GAS7: variants seen among roughly 807,000 people sequenced by gnomAD.
The protein encoded by GAS7 is growth arrest-specific protein 7.
GAS7 carries 28 observed loss-of-function variants against 71.1 expected under a neutral mutation model. The ratio of observed to expected loss-of-function variants is 0.39; its 90% CI spans 0.29 to 0.54. The LOEUF (loss-of-function observed/expected upper bound fraction) is 0.54. GAS7 is among the 20% of genes least tolerant of loss of function. The pLI, the probability that GAS7 is intolerant of heterozygous loss-of-function variation, is 0.62. For synonymous variants in GAS7, 258 were observed against 245.8 expected, an observed-to-expected ratio of 1.05 and a Z score of -0.46; for missense variants, 436 against 627.8, an observed-to-expected ratio of 0.69 and a Z score of 3.27.
chr17:9,918,559 G>T (rs1276570182), intron 12 of GAS7, among the ~76,000 whole-genome samples: 1 of 152,190 alleles, frequency 6.6e-6, no homozygotes, highest in Admixed American at 6.5e-5. Context: ...CCCTGATGGG[G>T]TATAACAAGG....
At chr17:9,979,665 C>T (rs1389344579) in intron 3 of GAS7, among the ~76,000 whole-genome samples, 3 of 152,120 alleles carry the variant, frequency 2.0e-5, no homozygotes, top group Non-Finnish European at 4.4e-5. Flanking sequence ...GCCTCACCAA[C>T]GGGGCAGGCT....
intron 1 of GAS7, among the ~76,000 whole-genome samples, chr17:10,061,587 G>C (rs2073220776): frequency 2.0e-5 from 3 of 152,250 alleles, no homozygotes; most frequent in Admixed American, 2.0e-4. Flanking sequence ...TTATGGCACA[G>C]TTGAAGATAG....
chr17:9,931,085 C>T (rs1210735267), intron 9 of GAS7, among the ~76,000 whole-genome samples: 3 of 152,200 alleles, frequency 2.0e-5, no homozygotes, highest in Non-Finnish European at 4.4e-5. Context: ...GTTTTCAATG[C>T]CATTGGTCTG....
rs118087419 is a variant in GAS7, at chr17:10,103,126, C to T, written c.184-83229G>A. Among the ~76,000 whole-genome samples, 996 of 152,106 alleles carry T rather than the reference C, an allele frequency of 6.5e-3. 11 individuals carry two copies. The highest frequency in any genetic ancestry group is 0.01 in the Non-Finnish European group (701 of 67,998). ...CAGCATTTTGGGAGGCCGAGGTGGG[C>T]AGATTGCTAAGAGCCCAGGAGTTTG... On this transcript the variant is annotated intron_variant, in intron 1 of 13. Transcript: ENST00000432992. This position sits in a 1 kb window ranked among gnomAD's most constrained non-coding sequence, Gnocchi z 5.5.
At chr17:10,011,542 A>T (rs142727594) in intron 2 of GAS7, among the ~76,000 whole-genome samples, 1 of 152,334 alleles carries the variant, frequency 6.6e-6, no homozygotes, top group East Asian at 1.9e-4. Flanking sequence ...AACACCAGCC[A>T]GCATCACTTG....
In GAS7 at chr17:10,198,606, C is replaced by T; in HGVS notation, c.-216G>A. 2.9e-6 allele frequency: 1 copy of T among 339,376 alleles called. No homozygotes were observed. Among genetic ancestry groups the T allele is most frequent in the Non-Finnish European group, 5.3e-6 (1 of 189,100 alleles). 21.0% of individuals were successfully genotyped at this position (339,376 alleles called of 1,614,324 possible). On this transcript the variant is annotated 5_prime_UTR_variant, in exon 1 of 14. Transcript: ENST00000432992. Reference sequence around the variant, plus strand: ...GTTGGCTTCGCAGAGCGAGCGGCGACGCCCCCGGGCCGGGCAGCTCGCGGA... The same window carrying T: ...GTTGGCTTCGCAGAGCGAGCGGCGATGCCCCCGGGCCGGGCAGCTCGCGGA...
intron 1 of GAS7, among the ~76,000 whole-genome samples, chr17:10,051,746 T>C (rs1226871664): frequency 6.6e-6 from 1 of 152,130 alleles, no homozygotes; most frequent in Non-Finnish European, 1.5e-5. Flanking sequence ...GTGCCTTCAT[T>C]TGAACATGGG....
intron 2 of GAS7, among the ~76,000 whole-genome samples, chr17:9,989,679 T>C (rs538131300): frequency 9.9e-4 from 151 of 152,294 alleles, no homozygotes; most frequent in Non-Finnish European, 1.9e-3. Flanking sequence ...GAAAGTGTTA[T>C]GAGAACGAAG....
rs921019078 is a variant in GAS7 at position 9,919,190 on chromosome 17, C to T, written c.1218+436G>A. On this transcript the variant is annotated intron_variant, in intron 12 of 13. Coordinates refer to ENST00000432992, the MANE Select transcript of GAS7 (RefSeq NM_201433.2). The surrounding 1 kb of genome is among the most constrained non-coding windows in gnomAD (Gnocchi z 5.0). ...ACCCTTGGTGAGAGGCCTCCCCCAC[C>T]CCACTGCCTAGCTCCATCCTCACCC... Among the ~76,000 whole-genome samples, 15 of 152,176 alleles carry T rather than the reference C, an allele frequency of 9.9e-5. No homozygotes were observed. The highest frequency in any genetic ancestry group is 3.4e-4 in the African/African-American group (14 of 41,448).
chr17:10,076,126 G>C (rs986388414), intron 1 of GAS7, among the ~76,000 whole-genome samples: 7 of 131,306 alleles, frequency 5.3e-5, no homozygotes, highest in Non-Finnish European at 9.6e-5. Context: ...AGGGGAAAGG[G>C]AAAGGGAAAA....
intron 1 of GAS7, among the ~76,000 whole-genome samples, chr17:10,175,057 G>A (rs930526816): frequency 1.4e-4 from 22 of 152,052 alleles, no homozygotes; most frequent in Admixed American, 1.3e-3. Context: ...TGTTGCCCAG[G>A]CTGGTCTCGA....
intron 2 of GAS7, among the ~76,000 whole-genome samples, chr17:9,989,869 T>C (rs1323705798): frequency 6.6e-6 from 1 of 152,198 alleles, no homozygotes; most frequent in East Asian, 1.9e-4. Context: ...GAGAGTGGCT[T>C]AGCTGGGCAA....
chr17:9,975,676 A>G (rs2070171413), intron 3 of GAS7, among the ~76,000 whole-genome samples: 1 of 152,214 alleles, frequency 6.6e-6, no homozygotes, highest in Non-Finnish European at 1.5e-5. Flanking sequence ...CAGTGATAGT[A>G]AAGGGTCAGT....
chr17:9,973,624 T>C (rs1567842253), intron 3 of GAS7, among the ~76,000 whole-genome samples: 2 of 152,186 alleles, frequency 1.3e-5, no homozygotes, highest in Non-Finnish European at 2.9e-5. Flanking sequence ...AAACCTTCCA[T>C]GAGATTCAAA....
intron 1 of GAS7, among the ~76,000 whole-genome samples, chr17:10,121,140 C>T (rs921952333): frequency 2.6e-5 from 4 of 152,152 alleles, no homozygotes; most frequent in East Asian, 1.9e-4. Flanking sequence ...CAGCACTTTG[C>T]GAGGCCGAGG....
At chr17:9,937,182 C>T (rs1597484542) in intron 8 of GAS7, among the ~76,000 whole-genome samples, 2 of 152,148 alleles carry the variant, frequency 1.3e-5, no homozygotes, top group African/African-American at 4.8e-5. Context: ...TGTACACCTA[C>T]GAGGCAGTGG....
rs2074557876 is a variant in GAS7 at position 10,198,489 on chromosome 17, C to A, written c.-99G>T. 1 of 854,026 alleles carries A rather than the reference C, an allele frequency of 1.2e-6. No individual in the cohort carries two copies. The highest frequency in any genetic ancestry group is 3.8e-4 in the Middle Eastern group (1 of 2,612). 52.9% of individuals were successfully genotyped at this position (854,026 alleles called of 1,614,324 possible). The stretch of plus-strand genomic sequence containing the variant: ...GGTCCCAGGCGCCCGGCGCTCCGGG[C>A]TCCCGCGCTCTGGGCGCGCGCCGTC... On this transcript the variant is annotated 5_prime_UTR_variant, in exon 1 of 14. Coordinates refer to ENST00000432992, the MANE Select transcript of GAS7 (RefSeq NM_201433.2).
chr17:9,918,278 A>G (rs2067665432), intron 12 of GAS7, among the ~76,000 whole-genome samples, 179 bp from the exon 13 acceptor site: 1 of 98,160 alleles, frequency 1.0e-5, no homozygotes. Context: ...TGACAGCAGC[A>G]GCGGCTGTTT....
intron 2 of GAS7, among the ~76,000 whole-genome samples, chr17:9,984,364 G>T (rs536706986): frequency 6.6e-6 from 1 of 152,224 alleles, no homozygotes; most frequent in African/African-American, 2.4e-5. Context: ...GGTGAACCTG[G>T]ACTCCAGGGG....
Sources: allele counts gnomAD v4.1 joint callset (sites outside exome capture counted in the v4.1 genomes callset), GRCh38; gene constraint gnomAD v4.1.1; non-coding constraint Gnocchi (gnomAD v3.1); transcripts MANE v1.5; gene names NCBI Gene and HGNC (gene_info 2026-07-23, HGNC 2026-07-21).